Variants in RBMS3 observed in about 807,000 individuals in gnomAD.
The protein encoded by RBMS3 is RNA binding motif single stranded interacting protein 3.
A neutral mutation model predicts 66.8 loss-of-function variants in RBMS3; 27 were observed. The observed-to-expected ratio is 0.40, with a 90% confidence interval of 0.30 to 0.56. The LOEUF is 0.56. Among genes scored for constraint, RBMS3 ranks in the 20% least tolerant of loss-of-function variants. The probability of loss-of-function intolerance (pLI) is 0.40; values close to 1 mark genes in which losing one functional copy is unlikely to be tolerated. For synonymous variants in RBMS3, 188 were observed against 183.0 expected (o/e 1.03, Z -0.22); for missense variants, 513 against 549.5 (o/e 0.93, Z 0.66).
At chr3:29,307,517 G>A (rs1464196844) in intron 1 of RBMS3, among the ~76,000 whole-genome samples, 1 of 151,786 alleles carries the variant, frequency 6.6e-6, no homozygotes, top group Non-Finnish European at 1.5e-5. Flanking sequence ...AAAGAGCAGG[G>A]AAACCCAGGA....
chr3:29,826,657 G>A (rs2058219902), intron 6 of RBMS3, among the ~76,000 whole-genome samples: 1 of 152,078 alleles, frequency 6.6e-6, no homozygotes, highest in Admixed American at 6.6e-5. Flanking sequence ...GATGCTCCAG[G>A]AGATAATCTA....
chr3:29,295,360 C>T (rs986192546), intron 1 of RBMS3, among the ~76,000 whole-genome samples: 6 of 143,972 alleles, frequency 4.2e-5, no homozygotes, highest in Non-Finnish European at 7.6e-5. Flanking sequence ...TATATATACA[C>T]ACACATATAT....
At chr3:29,628,017 A>G (rs565242223) in intron 4 of RBMS3, among the ~76,000 whole-genome samples, 1 of 152,260 alleles carries the variant, frequency 6.6e-6, no homozygotes, top group South Asian at 2.1e-4. Context: ...ATGGAAATCA[A>G]TCCTATATTG....
intron 3 of RBMS3, among the ~76,000 whole-genome samples, chr3:29,491,857 G>A (rs2043557527): frequency 6.6e-6 from 1 of 152,186 alleles, no homozygotes; most frequent in Non-Finnish European, 1.5e-5. Flanking sequence ...GCCGGGCGTG[G>A]TGGCGGGTGC....
chr3:29,866,067 C>T (rs2059352899), intron 6 of RBMS3, among the ~76,000 whole-genome samples: 1 of 90,894 alleles, frequency 1.1e-5, no homozygotes, highest in Admixed American at 1.3e-4. Context: ...CTATTATTAA[C>T]ACCAAATACT....
At chr3:29,802,460 T>C (rs2057420418) in intron 6 of RBMS3, among the ~76,000 whole-genome samples, 1 of 152,174 alleles carries the variant, frequency 6.6e-6, no homozygotes, top group Non-Finnish European at 1.5e-5. Context: ...GATTATTTGA[T>C]TGTTTTGATA....
Position 29,544,013 on chromosome 3 carries a change from A to G in RBMS3, c.308-43101A>G, listed in dbSNP as rs991373528. ...TTAATAGTTTATTTTTATAATCATT[A>G]TGGAAATAGTGAATACTTTTTAAAG... is the stretch of plus-strand genomic sequence containing the variant. On this transcript the variant is annotated intron_variant, in intron 3 of 14. Coordinates refer to ENST00000383767, the MANE Select transcript of RBMS3 (RefSeq NM_001003793.3). 2.0e-5 allele frequency among the ~76,000 whole-genome samples: 3 copies of G among 152,158 alleles called. No individual in the cohort carries two copies. The East Asian group carries it at 5.8e-4, about 29-fold the overall frequency.
At chr3:29,326,115 G>C (rs151006568) in intron 1 of RBMS3, among the ~76,000 whole-genome samples, 30 of 152,142 alleles carry the variant, frequency 2.0e-4, no homozygotes, top group African/African-American at 6.0e-4. Flanking sequence ...TTTCCTTGCA[G>C]GTCTAATGTC....
chr3:29,846,689 T>G (rs560508356), intron 6 of RBMS3, among the ~76,000 whole-genome samples: 127 of 152,254 alleles, frequency 8.3e-4, no homozygotes, highest in Admixed American at 3.1e-3. Flanking sequence ...TCATAAATAC[T>G]CTCTAAAAAA....
intron 14 of RBMS3, among the ~76,000 whole-genome samples, chr3:29,996,259 T>C (rs1288132456): frequency 6.6e-6 from 1 of 151,688 alleles, no homozygotes; most frequent in Admixed American, 6.6e-5. Flanking sequence ...AGCACCAAGA[T>C]TCATAAAGCA....
chr3:29,877,779 A>G (rs1334594097), intron 7 of RBMS3, among the ~76,000 whole-genome samples: 3 of 152,160 alleles, frequency 2.0e-5, no homozygotes, highest in African/African-American at 4.8e-5. Flanking sequence ...CTTGACTCTT[A>G]TGAAGGTCAG....
intron 4 of RBMS3, among the ~76,000 whole-genome samples, chr3:29,672,249 C>T (rs562265114): frequency 6.6e-6 from 1 of 152,142 alleles, no homozygotes; most frequent in African/African-American, 2.4e-5. Context: ...GAGATTTTAT[C>T]ACCACCAGGC....
chr3:29,320,429 A>G (rs2034938474), intron 1 of RBMS3, among the ~76,000 whole-genome samples: 1 of 152,082 alleles, frequency 6.6e-6, no homozygotes, highest in Non-Finnish European at 1.5e-5. Context: ...TAAATACATG[A>G]ATAAAGAATA....
intron 1 of RBMS3, among the ~76,000 whole-genome samples, chr3:29,323,118 G>C (rs2035104808): frequency 6.6e-6 from 1 of 152,174 alleles, no homozygotes; most frequent in African/African-American, 2.4e-5. Flanking sequence ...CTGAAGCTCA[G>C]ACACATTGTC....
chr3:29,652,336 A>C (rs2050175271), intron 4 of RBMS3, among the ~76,000 whole-genome samples: 1 of 152,146 alleles, frequency 6.6e-6, no homozygotes, highest in South Asian at 2.1e-4. Flanking sequence ...AGTAAAGAAA[A>C]AGTAAAAAAC....
intron 3 of RBMS3, among the ~76,000 whole-genome samples, chr3:29,490,545 G>A (rs906193241): frequency 6.6e-6 from 1 of 152,104 alleles, no homozygotes; most frequent in African/African-American, 2.4e-5. Flanking sequence ...TGGGGAGAAG[G>A]TGTTGGACAT....
chr3:29,605,968 G>GTT (rs199500576), intron 4 of RBMS3, among the ~76,000 whole-genome samples: 9,480 of 140,810 alleles, frequency 0.067, 332 homozygotes, highest in Middle Eastern at 0.081. Context: ...AAACAAGGTA[G>GTT]TTTTTTTTTT....
At chr3:29,566,083 T>C (rs1242023449) in intron 3 of RBMS3, among the ~76,000 whole-genome samples, 1 of 152,234 alleles carries the variant, frequency 6.6e-6, no homozygotes, top group Admixed American at 6.5e-5. Context: ...CACTTACTTA[T>C]TGACTCGTTC....
At chr3:29,666,752 C>T (rs571147050) in intron 4 of RBMS3, among the ~76,000 whole-genome samples, 1 of 151,960 alleles carries the variant, frequency 6.6e-6, no homozygotes, top group African/African-American at 2.4e-5. Flanking sequence ...ATGAATCTGC[C>T]AAAAATATTT....
Sources: gnomAD v4.1 joint callset for allele counts (sites outside exome capture counted in the v4.1 genomes callset) on GRCh38, gnomAD v4.1.1 for gene constraint, MANE v1.5 for transcripts, NCBI Gene and HGNC (gene_info 2026-07-23, HGNC 2026-07-21) for gene names.